The following RNF10 variants were observed in gnomAD, a reference collection of about 807,000 sequenced individuals.
The protein encoded by RNF10 is ring finger protein 10.
In RNF10, 38 loss-of-function variants were observed where a neutral mutation model predicts 91.4. That is an observed-to-expected ratio of 0.42 (90% CI 0.32 to 0.54). The LOEUF is 0.54. RNF10 is among the 20% of genes least tolerant of loss of function. The pLI is 0.16. For missense variants in RNF10, 945 were observed against 1,012.0 expected (o/e 0.93, Z 0.90); for synonymous variants, 364 against 366.3 (o/e 0.99, Z 0.07).
At chr12:120,546,898 T>G (rs1872422308) in intron 2 of RNF10, among the ~76,000 whole-genome samples, 1 of 152,174 alleles carries the variant, frequency 6.6e-6, no homozygotes, top group Admixed American at 6.5e-5. Context: ...TTTTGGAATA[T>G]TTAGGTAATA....
intron 2 of RNF10, among the ~76,000 whole-genome samples, chr12:120,549,303 A>G (rs1872714191): frequency 6.6e-6 from 1 of 152,138 alleles, no homozygotes; most frequent in African/African-American, 2.4e-5. Context: ...TGAGGGAATG[A>G]ATGGACTGCA....
chr12:120,576,710 G>T lies in RNF10; in HGVS notation c.*44G>T, dbSNP rs1565976915. 15 of 1,562,198 alleles carry T rather than the reference G, an allele frequency of 9.6e-6. No individual in the cohort carries two copies. In the South Asian group the frequency reaches 1.2e-4, roughly 12 times the overall value. ...CCTTCTCCATCTGGTTTTTGTTTTTGTTTTTTTTTCCCCCATGCTTTTGTT... is the reference window on the plus strand; with the variant it reads ...CCTTCTCCATCTGGTTTTTGTTTTTTTTTTTTTTTCCCCCATGCTTTTGTT... On this transcript the variant is annotated 3_prime_UTR_variant, in exon 17 of 17. Coordinates refer to ENST00000325954, the MANE Select transcript of RNF10 (RefSeq NM_014868.5).
intron 1 of RNF10, among the ~76,000 whole-genome samples, chr12:120,537,575 C>G (rs1871010429): frequency 6.6e-6 from 1 of 152,100 alleles, no homozygotes; most frequent in Non-Finnish European, 1.5e-5. Context: ...TTGCAGTAAG[C>G]CAAGATTGCA....
chr12:120,539,213 G>A (rs1871224024), intron 1 of RNF10, among the ~76,000 whole-genome samples: 1 of 152,116 alleles, frequency 6.6e-6, no homozygotes, highest in Admixed American at 6.6e-5. Flanking sequence ...AGAAAATAGA[G>A]GCTTAGCAGT....
chr12:120,565,758 T>G (rs1268755974), intron 12 of RNF10, among the ~76,000 whole-genome samples: 1 of 152,222 alleles, frequency 6.6e-6, no homozygotes, highest in Non-Finnish European at 1.5e-5. Context: ...TTGGTAATAG[T>G]GGGTGATATA....
chr12:120,563,697 A>C, intron 9 of RNF10, 74 bp downstream of exon 9: 1 of 1,570,876 alleles, frequency 6.4e-7, no homozygotes, highest in Non-Finnish European at 8.6e-7. Flanking sequence ...TAAGCAGAGG[A>C]GCGCCACTAG....
chr12:120,546,020 T>C (rs1872276449), intron 1 of RNF10, among the ~76,000 whole-genome samples: 1 of 152,244 alleles, frequency 6.6e-6, no homozygotes, highest in African/African-American at 2.4e-5. Context: ...TAAAAAGGAA[T>C]CTCTTCTGTC....
At chr12:120,543,440 G>T (rs1426357012) in intron 1 of RNF10, among the ~76,000 whole-genome samples, 1 of 152,114 alleles carries the variant, frequency 6.6e-6, no homozygotes, top group Non-Finnish European at 1.5e-5. Flanking sequence ...GAGCCTGGAG[G>T]ATCGCCTGAG....
chr12:120,575,917 C>T lies in RNF10; in HGVS notation c.2326C>T (p.Leu776=). The T allele has an allele frequency of 1.2e-6, 2 of 1,614,050 alleles. No individual in the cohort carries two copies. Among genetic ancestry groups the T allele is most frequent in the Non-Finnish European group, 1.7e-6 (2 of 1,180,030 alleles). ...AGCTATTGAAGCAGCCTTCATGAAA[C>T]TGGACACACCAGCTACTTCAGATCC... ...SQAIEAAFMK[L]DTPATSDPLS... The change falls in exon 16 of 17, where the codon CTG becomes TTG. Residue 776 remains leucine, a synonymous_variant. Transcript: ENST00000325954.
At chr12:120,545,611 C>T (rs923820534) in intron 1 of RNF10, among the ~76,000 whole-genome samples, 2 of 151,792 alleles carry the variant, frequency 1.3e-5, no homozygotes, top group African/African-American at 4.8e-5. Context: ...GATCTCGGCT[C>T]ACTGCAACCT....
chr12:120,565,679 T>G (rs1213885134), intron 12 of RNF10, 150 bp downstream of exon 12: 3 of 658,994 alleles, frequency 4.6e-6, no homozygotes, highest in African/African-American at 3.6e-5. Context: ...TAGGCTTGCT[T>G]GCAAATATAA....
Position 120,534,766 on chromosome 12 carries a change from C to T in RNF10, c.-46C>T. ...GAACGCCATGAGCCTGGGTCCCCGC[C>T]GCGCCCGCTCCGCTCCGACTGCCGT... On this transcript the variant is annotated 5_prime_UTR_variant, in exon 1 of 17. Coordinates refer to ENST00000325954, the MANE Select transcript of RNF10 (RefSeq NM_014868.5). The T allele has an allele frequency of 1.3e-6, 2 of 1,521,018 alleles. No individual in the cohort carries two copies. The highest frequency in any genetic ancestry group is 2.4e-5 in the South Asian group (2 of 82,590). The allele number at this position is 1,521,018 out of a possible 1,614,324, so 94.2% of individuals were successfully genotyped here.
chr12:120,534,874 C>T lies in RNF10; in HGVS notation c.63C>T (p.Ser21=), dbSNP rs774431894. The T allele has an allele frequency of 2.9e-5, 47 of 1,608,492 alleles. No individual in the cohort carries two copies. Among genetic ancestry groups the T allele is most frequent in the Non-Finnish European group, 1.7e-6 (2 of 1,179,652 alleles). ...CCGACATGGACAAGAACAGCGGCTC[C>T]AACAGCTCCTCCGCCTCTTCGGGCA... ...TASDMDKNSG[S]NSSSASSGSS... is the part of the protein sequence containing the mutation. The change falls in exon 1 of 17, where the codon TCC becomes TCT. Residue 21 remains serine (S), a synonymous_variant. Transcript: ENST00000325954.
intron 1 of RNF10, among the ~76,000 whole-genome samples, chr12:120,545,147 A>G (rs567100494): frequency 6.6e-6 from 1 of 152,318 alleles, no homozygotes; most frequent in African/African-American, 2.4e-5. Context: ...AGAATTGAAC[A>G]CATATTATAA....
At chr12:120,560,391 T>G (rs1461706192) in intron 6 of RNF10, among the ~76,000 whole-genome samples, 1 of 151,984 alleles carries the variant, frequency 6.6e-6, no homozygotes, top group Non-Finnish European at 1.5e-5. Flanking sequence ...TGATCTCAAG[T>G]GATCCACCCG....
chr12:120,565,961 A>G (rs1875629105), intron 12 of RNF10, among the ~76,000 whole-genome samples: 1 of 152,240 alleles, frequency 6.6e-6, no homozygotes, highest in Admixed American at 6.5e-5. Flanking sequence ...TGGATTTAAG[A>G]GATCTTTCGT....
At chr12:120,536,819 C>T (rs185719637) in intron 1 of RNF10, among the ~76,000 whole-genome samples, 1 of 152,300 alleles carries the variant, frequency 6.6e-6, no homozygotes, top group African/African-American at 2.4e-5. Flanking sequence ...CCTCTTTAAG[C>T]CACTAACATA....
chr12:120,555,419 T>C (rs1217746604), intron 4 of RNF10, among the ~76,000 whole-genome samples: 2 of 151,880 alleles, frequency 1.3e-5, no homozygotes, highest in African/African-American at 4.8e-5. Context: ...TGACTGCAAG[T>C]GATCCACCCA....
In RNF10 at chr12:120,576,771, A is replaced by G. The variant is rs1170847511; in HGVS notation, c.*105A>G. On this transcript the variant is annotated 3_prime_UTR_variant, in exon 17 of 17. Transcript: ENST00000325954. ...AATTTTTAAGTATTTGAGTTTGAACAGATTAGCTCTGGGGGGAGGGGGTTT... is the reference window on the plus strand; with the variant it reads ...AATTTTTAAGTATTTGAGTTTGAACGGATTAGCTCTGGGGGGAGGGGGTTT... 3 of 1,491,720 alleles carry G rather than the reference A, an allele frequency of 2.0e-6. No individual in the cohort carries two copies. The highest frequency in any genetic ancestry group is 2.7e-6 in the Non-Finnish European group (3 of 1,103,526). The allele number at this position is 1,491,720 out of a possible 1,614,324, so 92.4% of individuals were successfully genotyped here. A position where few individuals can be genotyped will look rare whatever the true frequency, so the allele number is the denominator to read the frequency against.
Sources: allele counts gnomAD v4.1 joint callset (sites outside exome capture counted in the v4.1 genomes callset), GRCh38; gene constraint gnomAD v4.1.1; transcripts MANE v1.5; gene names NCBI Gene and HGNC (gene_info 2026-07-23, HGNC 2026-07-21).